The following CHRM3 variants were observed in gnomAD, a reference collection of about 807,000 sequenced individuals.
CHRM3 encodes cholinergic receptor muscarinic 3, also known as muscarinic acetylcholine receptor M3.
Under a neutral mutation model 41.8 loss-of-function variants are expected in CHRM3, and 11 were observed. That is an observed-to-expected ratio of 0.26 (90% confidence interval 0.17 to 0.44). The LOEUF (loss-of-function observed/expected upper bound fraction) is 0.44, where lower values mean the gene tolerates loss of function less well. Ranked by LOEUF, CHRM3 falls within the 20% of genes least tolerant of loss-of-function variation. The probability of loss-of-function intolerance (pLI) is 1.00; values close to 1 mark genes in which losing one functional copy is unlikely to be tolerated. For synonymous variants in CHRM3, 297 were observed against 301.4 expected (o/e 0.99, Z 0.15); for missense variants, 571 against 745.4 (o/e 0.77, Z 2.72).
intron 4 of CHRM3, among the ~76,000 whole-genome samples, chr1:239,668,089 C>CTTTTTTT (rs1221135009): frequency 7.9e-4 from 60 of 75,596 alleles, no homozygotes; most frequent in Non-Finnish European, 1.2e-3. Context: ...TTTCCCCTTT[C>CTTTTTTT]TTTTTTTTTT....
chr1:239,431,377 A>T (rs924499821), intron 1 of CHRM3, among the ~76,000 whole-genome samples: 3 of 152,250 alleles, frequency 2.0e-5, no homozygotes, highest in Admixed American at 6.5e-5. Context: ...AATAGCAATT[A>T]AAATGCCTGA....
chr1:239,766,704 T>TATAGATATAGATATAGATATAGATATAG (rs369264632), intron 5 of CHRM3, among the ~76,000 whole-genome samples: 233 of 150,944 alleles, frequency 1.5e-3, no homozygotes, highest in African/African-American at 4.9e-3. Context: ...TAGATATAGA[T>TATAGATATAGATATAGATATAGATATAG]ATAGATATAG....
chr1:239,698,612 A>G (rs2148064097), intron 5 of CHRM3, among the ~76,000 whole-genome samples: 1 of 152,368 alleles, frequency 6.6e-6, no homozygotes, highest in South Asian at 2.1e-4. Context: ...TGTATTAATA[A>G]CATACTTCCA....
At chr1:239,899,469 T>C (rs1679319517) in intron 6 of CHRM3, among the ~76,000 whole-genome samples, 1 of 137,814 alleles carries the variant, frequency 7.3e-6, no homozygotes, top group Non-Finnish European at 1.5e-5. Context: ...CATACGTATA[T>C]ATGTGTGTAT....
chr1:239,561,111 G>A (rs548141775), intron 3 of CHRM3, among the ~76,000 whole-genome samples: 24 of 152,258 alleles, frequency 1.6e-4, no homozygotes, highest in African/African-American at 5.1e-4. Context: ...GACCAGTGTA[G>A]GTAGTAACCT....
chr1:239,803,759 TGCAGG>T (rs1176367960), intron 5 of CHRM3, among the ~76,000 whole-genome samples: 1 of 152,184 alleles, frequency 6.6e-6, no homozygotes, highest in Non-Finnish European at 1.5e-5. Context: ...AGTCAAATGA[TGCAGG>T]CAAGCTAAGA....
In CHRM3 at chr1:239,618,648, T is replaced by G. The variant is rs569867386; in HGVS notation, c.-312-13576T>G. ...TCACGAGGTCAGGAGATCGAGACCA[T>G]CCTGGCTAACACGGTGAAACCCCGT... On this transcript the variant is annotated intron_variant, in intron 3 of 6. Coordinates refer to ENST00000676153, the MANE Select transcript of CHRM3 (RefSeq NM_001375978.1). Among the ~76,000 whole-genome samples the G allele has an allele frequency of 4.6e-5, 7 of 151,272 alleles. No individual in the cohort carries two copies. The East Asian group carries it at 8.1e-4, about 18-fold the overall frequency.
intron 6 of CHRM3, among the ~76,000 whole-genome samples, chr1:239,855,118 C>T (rs1312764702): frequency 1.3e-5 from 2 of 152,098 alleles, no homozygotes; most frequent in East Asian, 3.9e-4. Flanking sequence ...CACTCTTTAC[C>T]ATATTCCACC....
intron 5 of CHRM3, among the ~76,000 whole-genome samples, chr1:239,821,969 C>T (rs1002823226): frequency 6.6e-6 from 1 of 152,126 alleles, no homozygotes; most frequent in Non-Finnish European, 1.5e-5. Flanking sequence ...GTCCTGCCAC[C>T]CTGTGAGGAA....
At chr1:239,680,163 T>A (rs1312228125) in intron 5 of CHRM3, among the ~76,000 whole-genome samples, 1 of 152,148 alleles carries the variant, frequency 6.6e-6, no homozygotes, top group African/African-American at 2.4e-5. Flanking sequence ...TTTCTATTCT[T>A]GTCCTGTTCA....
At chr1:239,859,432 GT>G (rs141776323) in intron 6 of CHRM3, among the ~76,000 whole-genome samples, 12 of 136,472 alleles carry the variant, frequency 8.8e-5, no homozygotes, top group African/African-American at 1.4e-4. Context: ...TTTTTTTTTT[GT>G]TTTTTTTTTT....
chr1:239,418,992 G>C (rs958623570), intron 1 of CHRM3, among the ~76,000 whole-genome samples: 8 of 152,114 alleles, frequency 5.3e-5, no homozygotes, highest in African/African-American at 1.9e-4. Flanking sequence ...TTAAAGACCT[G>C]GAGGATTTCA....
At chr1:239,520,612 C>T (rs1393594679) in intron 2 of CHRM3, among the ~76,000 whole-genome samples, 1 of 152,162 alleles carries the variant, frequency 6.6e-6, no homozygotes, top group Non-Finnish European at 1.5e-5. Flanking sequence ...AATTAAACCT[C>T]TTTTCTTTGT....
chr1:239,847,073 A>T (rs1017056959), intron 6 of CHRM3, among the ~76,000 whole-genome samples: 1 of 152,214 alleles, frequency 6.6e-6, no homozygotes, highest in African/African-American at 2.4e-5. Context: ...TGTCCACCAT[A>T]GAATTTGATC....
chr1:239,750,456 C>T (rs566788421), intron 5 of CHRM3, among the ~76,000 whole-genome samples: 2 of 152,314 alleles, frequency 1.3e-5, no homozygotes, highest in East Asian at 3.9e-4. Context: ...AAGCAACTCT[C>T]CGAATACCAT....
intron 5 of CHRM3, among the ~76,000 whole-genome samples, chr1:239,768,912 G>A (rs868621275): frequency 2.6e-5 from 4 of 151,888 alleles, no homozygotes; most frequent in African/African-American, 7.3e-5. Context: ...TTACAGGCAC[G>A]CGCCACCATG....
chr1:239,872,444 T>C (rs1304230819), intron 6 of CHRM3, among the ~76,000 whole-genome samples: 3 of 152,080 alleles, frequency 2.0e-5, no homozygotes, highest in Non-Finnish European at 4.4e-5. Flanking sequence ...TCCTGAAAAG[T>C]AGGACTCCTC....
chr1:239,890,178 G>A (rs1211420305), intron 6 of CHRM3, among the ~76,000 whole-genome samples: 3 of 152,036 alleles, frequency 2.0e-5, no homozygotes, highest in South Asian at 2.1e-4. Context: ...GGGCATGCCT[G>A]TAATTTCAGC....
intron 5 of CHRM3, among the ~76,000 whole-genome samples, chr1:239,758,885 T>C (rs1276817074): frequency 6.6e-6 from 1 of 152,184 alleles, no homozygotes; most frequent in African/African-American, 2.4e-5. Context: ...GAAATGTAAG[T>C]GAGACAGGGG....
Sources: gnomAD v4.1 joint callset for allele counts (sites outside exome capture counted in the v4.1 genomes callset) on GRCh38, gnomAD v4.1.1 for gene constraint, MANE v1.5 for transcripts, NCBI Gene and HGNC (gene_info 2026-07-23, HGNC 2026-07-21) for gene names.